POGZ: variants seen among roughly 807,000 people sequenced by gnomAD.
The protein encoded by POGZ is pogo transposable element derived with ZNF domain.
POGZ carries 17 observed loss-of-function variants against 134.6 expected under a neutral mutation model. The ratio of observed to expected loss-of-function variants is 0.13; its 90% CI spans 0.09 to 0.19. The LOEUF is 0.19. Ranked by LOEUF, POGZ falls within the 10% of genes least tolerant of loss-of-function variation. The pLI is 1.00. For synonymous variants in POGZ, 693 were observed against 657.1 expected (o/e 1.05, Z -0.84); for missense variants, 1,306 against 1,769.7 (o/e 0.74, Z 4.70).
In POGZ at chr1:151,427,880, T is replaced by C. The variant is rs2102293698; in HGVS notation, c.1021A>G (p.Asn341Asp). The C allele has an allele frequency of 6.2e-7, 1 of 1,614,156 alleles. No homozygotes were observed. Among genetic ancestry groups the C allele is most frequent in the East Asian group, 2.2e-5 (1 of 44,874 alleles). The stretch of plus-strand genomic sequence containing the variant: ...TGAGAGCCATGAGCAGAGCTGTTGT[T>C]GGACACCACCACTGGCCCAGGACTC... ...GQSPGPVVVS[N>D]NSSAHGSQRT... The change falls in exon 7 of 19, where the codon AAC becomes GAC. Residue 341 changes from asparagine (N) to aspartate (D), a missense_variant. Physicochemically the swap from Asn to Asp is conservative, Grantham distance 23. This residue lies in a region of POGZ where 541 missense variants were observed against 680.5 expected (regional missense o/e 0.80). Coordinates refer to ENST00000271715, the MANE Select transcript of POGZ (RefSeq NM_015100.4).
In POGZ at chr1:151,406,710, T is replaced by C. The variant is rs572702856; in HGVS notation, c.2546-79A>G. On this transcript the variant is annotated intron_variant, in intron 17 of 18. Transcript: ENST00000271715. ...CAAAGACAGTGCCCTGGGATTCAACTTACTACATACAAATACGCTGTTCGC... is the reference window on the plus strand; with the variant it reads ...CAAAGACAGTGCCCTGGGATTCAACCTACTACATACAAATACGCTGTTCGC... 1.1e-4 allele frequency: 142 copies of C among 1,243,514 alleles called. No individual in the cohort carries two copies. The South Asian group carries it at 1.7e-3, about 15-fold the overall frequency. The allele number at this position is 1,243,514 out of a possible 1,614,324, so 77.0% of individuals were successfully genotyped here. A position where few individuals can be genotyped will look rare whatever the true frequency, so the allele number is the denominator to read the frequency against.
chr1:151,448,380 G>A (rs1366797485), intron 1 of POGZ, among the ~76,000 whole-genome samples: 1 of 152,126 alleles, frequency 6.6e-6, no homozygotes, highest in Admixed American at 6.6e-5. Flanking sequence ...GGGAGGCTGA[G>A]GTGAGAGGAT....
chr1:151,414,347 T>C (rs1254349455), intron 10 of POGZ, among the ~76,000 whole-genome samples: 1 of 152,268 alleles, frequency 6.6e-6, no homozygotes, highest in Non-Finnish European at 1.5e-5. Flanking sequence ...CAGGCCTTTC[T>C]TAGTCTATGT....
Position 151,405,072 on chromosome 1 carries a change from G to A in POGZ, c.3963C>T (p.Arg1321=). The A allele has an allele frequency of 6.2e-7, 1 of 1,614,198 alleles. No homozygotes were observed. Among genetic ancestry groups the A allele is most frequent in the East Asian group, 2.2e-5 (1 of 44,888 alleles). The change falls in exon 19 of 19, where the codon CGC becomes CGT. Residue 1321 remains arginine (R), a synonymous_variant. Transcript: ENST00000271715. The surrounding 1 kb of genome is among the most constrained non-coding windows in gnomAD (Gnocchi z 4.9). The part of the protein sequence containing the change: ...VIGDCPELVQ[R]SFLVASVLPG... ...GCAGAACACTAGCCACCAGGAAGGA[G>A]CGCTGAACTAGCTCTGGACAGTCCC...
intron 10 of POGZ, 45 bp downstream of exon 10, chr1:151,423,352 A>T (rs1657257575): frequency 6.5e-7 from 1 of 1,549,578 alleles, no homozygotes; most frequent in East Asian, 2.2e-5. Flanking sequence ...CAATGAGTGA[A>T]CAGCAAGGTA....
chr1:151,438,478 T>C (rs539779290), intron 3 of POGZ, among the ~76,000 whole-genome samples: 3 of 152,274 alleles, frequency 2.0e-5, no homozygotes, highest in Non-Finnish European at 2.9e-5. Flanking sequence ...TAAAGTCAAT[T>C]TATATTTTTT....
At position 151,405,414 on chromosome 1, in the gene POGZ, C is replaced by T; in HGVS notation, c.3621G>A (p.Leu1207=). The T allele has an allele frequency of 6.2e-7, 1 of 1,614,090 alleles. No individual in the cohort carries two copies. The highest frequency in any genetic ancestry group is 8.5e-7 in the Non-Finnish European group (1 of 1,179,952). Residue 1207 remains leucine (L), a synonymous_variant, in exon 19 of 19, where the codon CTG becomes CTA. Transcript: ENST00000271715. This position sits in a 1 kb window ranked among gnomAD's most constrained non-coding sequence, Gnocchi z 4.9. ...GCTTCTGCCACACTCGAGTTGACCA[C>T]AGCTCCATGATCTCGTCATCACTGT... ...SGYSDDEIME[L]WSTRVWQKHT... is the part of the protein sequence containing the mutation.
chr1:151,442,907 T>C (rs1433783355), intron 1 of POGZ, among the ~76,000 whole-genome samples: 3 of 151,616 alleles, frequency 2.0e-5, no homozygotes, highest in African/African-American at 7.3e-5. Context: ...CAGGCGCCTG[T>C]AATCCCAGCT....
chr1:151,440,702 C>T, intron 3 of POGZ: 1 of 342,280 alleles, frequency 2.9e-6, no homozygotes. Flanking sequence ...TAGCAAGAAT[C>T]TACTGCTCTC....
intron 10 of POGZ, among the ~76,000 whole-genome samples, chr1:151,413,721 G>A (rs1355112389): frequency 2.7e-5 from 4 of 150,886 alleles, no homozygotes; most frequent in African/African-American, 7.3e-5. Context: ...GTTCTGTCTC[G>A]CACGCTAGAG....
intron 12 of POGZ, among the ~76,000 whole-genome samples, chr1:151,410,693 G>A (rs1323379825): frequency 1.3e-5 from 2 of 152,138 alleles, no homozygotes; most frequent in Non-Finnish European, 2.9e-5. Flanking sequence ...ACAGGCTTGA[G>A]ATCTATTATC....
intron 7 of POGZ, 169 bp downstream of exon 7, chr1:151,427,650 CAGTT>C (rs1250720585): frequency 1.7e-6 from 1 of 584,504 alleles, no homozygotes; most frequent in African/African-American, 1.9e-5. Flanking sequence ...GGAGCTGATT[CAGTT>C]ACACTTTTTG....
intron 3 of POGZ, among the ~76,000 whole-genome samples, chr1:151,433,195 A>C (rs773927489): frequency 6.6e-6 from 1 of 152,248 alleles, no homozygotes; most frequent in African/African-American, 2.4e-5. Flanking sequence ...AAGTCTCTTA[A>C]AGACAGACCA....
Position 151,405,720 on chromosome 1 carries a change from A to G in POGZ, c.3315T>C (p.Ile1105=). ...TGTGAATCTGCCGTTGTACAAAATCAATGAAGAGTCCTGCATTCTCTGCTA... is the reference window on the plus strand; with the variant it reads ...TGTGAATCTGCCGTTGTACAAAATCGATGAAGAGTCCTGCATTCTCTGCTA... ...KDVAENAGLF[I]DFVQRQIHNQ... The change falls in exon 19 of 19, where the codon ATT becomes ATC. Residue 1105 remains isoleucine, a synonymous_variant. Coordinates refer to ENST00000271715, the MANE Select transcript of POGZ (RefSeq NM_015100.4). This position sits in a 1 kb window ranked among gnomAD's most constrained non-coding sequence, Gnocchi z 4.9. 6.2e-7 allele frequency: 1 copy of G among 1,614,192 alleles called. No homozygotes were observed. The highest frequency in any genetic ancestry group is 8.5e-7 in the Non-Finnish European group (1 of 1,180,032).
chr1:151,437,846 G>C (rs957330652), intron 3 of POGZ, among the ~76,000 whole-genome samples: 3 of 152,182 alleles, frequency 2.0e-5, no homozygotes, highest in African/African-American at 7.2e-5. Context: ...AGGGAAACTG[G>C]GTTGTATGAG....
intron 1 of POGZ, chr1:151,442,589 T>A (rs181446990): frequency 6.4e-6 from 1 of 155,582 alleles, no homozygotes; most frequent in Non-Finnish European, 1.4e-5. Flanking sequence ...TGCACCCCTG[T>A]AATTCCAGCT....
chr1:151,452,434 T>G lies in POGZ; in HGVS notation c.-2+6718A>C, dbSNP rs190878282. Among the ~76,000 whole-genome samples, 603 of 151,908 alleles carry G rather than the reference T, an allele frequency of 4.0e-3. 3 individuals are homozygous for G. The highest frequency in any genetic ancestry group is 0.014 in the African/African-American group (565 of 41,516). ...GGCACAATCACGGCTTATTGCAGCC[T>G]CAACCTCCTGGGCTCAGGTGATCCT... On this transcript the variant is annotated intron_variant, in intron 1 of 18. Transcript: ENST00000271715.
At chr1:151,437,464 T>C (rs954412868) in intron 3 of POGZ, among the ~76,000 whole-genome samples, 3 of 152,176 alleles carry the variant, frequency 2.0e-5, no homozygotes, top group Non-Finnish European at 4.4e-5. Flanking sequence ...ATTATTCTCA[T>C]TTGCTGGTGG....
At chr1:151,423,265 C>T (rs779701522) in intron 10 of POGZ, 132 bp downstream of exon 10, 53 of 737,064 alleles carry the variant, frequency 7.2e-5, no homozygotes, top group Non-Finnish European at 1.1e-4. Flanking sequence ...AAAGAACTGG[C>T]TACAAATATG....
Sources: gnomAD v4.1 joint callset for allele counts (sites outside exome capture counted in the v4.1 genomes callset) on GRCh38, gnomAD v4.1.1 for gene constraint, gnomAD v4.1.1 regional missense constraint, Gnocchi (gnomAD v3.1) non-coding constraint, MANE v1.5 for transcripts, NCBI Gene and HGNC (gene_info 2026-07-23, HGNC 2026-07-21) for gene names.